The following PSD2 variants were observed in gnomAD, a reference collection of about 807,000 sequenced individuals.
PSD2 encodes the protein pleckstrin and Sec7 domain containing 2.
PSD2 carries 38 observed loss-of-function variants against 69.8 expected under a neutral mutation model. The ratio of observed to expected loss-of-function variants is 0.54; its 90% CI spans 0.42 to 0.71. The LOEUF (loss-of-function observed/expected upper bound fraction) is 0.71. Among genes scored for constraint, PSD2 ranks in the 30% least tolerant of loss-of-function variants. PSD2 has a pLI of 0.00. For missense variants in PSD2, 943 were observed against 1,014.5 expected, an observed-to-expected ratio of 0.93 and a Z score of 0.96; for synonymous variants, 412 against 423.0, an observed-to-expected ratio of 0.97 and a Z score of 0.32.
chr5:139,802,234 T>G, intron 1 of PSD2, among the ~76,000 whole-genome samples: 2 of 149,538 alleles, frequency 1.3e-5, no homozygotes, highest in Admixed American at 6.6e-5. Flanking sequence ...GGAGAGGAGT[T>G]GGGGGGCCTG....
intron 1 of PSD2, among the ~76,000 whole-genome samples, chr5:139,796,496 C>T (rs941986995): frequency 6.6e-6 from 1 of 152,218 alleles, no homozygotes; most frequent in Admixed American, 6.5e-5. Context: ...GCTTGGCGGC[C>T]AGGCCTCCCC....
In PSD2 at chr5:139,814,620, G is replaced by C. The variant is rs183585954; in HGVS notation, c.1016+256G>C. The stretch of plus-strand genomic sequence containing the variant: ...GGCAGCCCCTCAGGGCTGGGGGTGC[G>C]GGATGTGGGATGTGGTTATGGGGCC... On this transcript the variant is annotated intron_variant, in intron 4 of 14. Coordinates refer to ENST00000274710, the MANE Select transcript of PSD2 (RefSeq NM_032289.4). This position sits in a 1 kb window ranked among gnomAD's most constrained non-coding sequence, Gnocchi z 4.4. Among the ~76,000 whole-genome samples the C allele has an allele frequency of 6.6e-6, 1 of 152,056 alleles. No homozygotes were observed. Among genetic ancestry groups the C allele is most frequent in the Admixed American group, 6.6e-5 (1 of 15,258 alleles).
intron 1 of PSD2, among the ~76,000 whole-genome samples, chr5:139,807,380 T>C (rs754441344): frequency 7.1e-6 from 1 of 141,762 alleles, no homozygotes; most frequent in Non-Finnish European, 1.5e-5. Flanking sequence ...GGAGTCTCAG[T>C]TGAGAAAGTG....
At chr5:139,764,799 T>C in the PSD2 span, among the ~76,000 whole-genome samples, 33 of 152,100 alleles carry the variant, frequency 2.2e-4, no homozygotes, top group African/African-American at 7.5e-4. Flanking sequence ...ATAGAGCCTG[T>C]CCTCTGTCTA....
At chr5:139,769,277 G>A in the PSD2 span, among the ~76,000 whole-genome samples, 9 of 152,256 alleles carry the variant, frequency 5.9e-5, no homozygotes, top group African/African-American at 1.4e-4. Context: ...AGGTGGCGGC[G>A]GGGGTTGGGG....
At chr5:139,830,783 G>A (rs999242668) in intron 7 of PSD2, among the ~76,000 whole-genome samples, 29 of 138,016 alleles carry the variant, frequency 2.1e-4, no homozygotes, top group Non-Finnish European at 3.1e-4. Context: ...GCTTCCCAAA[G>A]TGCTGGGATT....
At chr5:139,766,833 T>TC in the PSD2 span, among the ~76,000 whole-genome samples, 16,505 of 45,858 alleles carry the variant, frequency 0.36, 2,382 homozygotes, top group Admixed American at 0.41. Context: ...CCTTCCTTCT[T>TC]TCTTTCTTTC....
chr5:139,836,725 TG>T, intron 9 of PSD2, 85 bp from the exon 10 acceptor site: 1 of 1,245,000 alleles, frequency 8.0e-7, no homozygotes, highest in Non-Finnish European at 1.2e-6. Flanking sequence ...CCCTGGCTCC[TG>T]GAGAGGAGGC....
chr5:139,813,420 A>G lies in PSD2; in HGVS notation c.483A>G (p.Leu161=). 6.2e-7 allele frequency: 1 copy of G among 1,613,944 alleles called. No homozygotes were observed. The highest frequency in any genetic ancestry group is 8.5e-7 in the Non-Finnish European group (1 of 1,179,814). The part of the protein sequence containing the change: ...RGTQYSSLDS[L]DGLSLTDESD... ...CCCAGTACAGCAGCCTCGACTCCCT[A>G]GACGGGCTGAGCCTCACGGATGAGA... Residue 161 remains leucine (L), a synonymous_variant, in exon 3 of 15, where the codon CTA becomes CTG. Coordinates refer to ENST00000274710, the MANE Select transcript of PSD2 (RefSeq NM_032289.4).
intron 5 of PSD2, among the ~76,000 whole-genome samples, chr5:139,821,508 G>A (rs1760259818): frequency 6.6e-6 from 1 of 152,226 alleles, no homozygotes; most frequent in South Asian, 2.1e-4. Flanking sequence ...GATGACTGAG[G>A]AGGAGCATTC....
the PSD2 span, among the ~76,000 whole-genome samples, chr5:139,788,192 C>A: frequency 2.0e-5 from 3 of 148,224 alleles, no homozygotes; most frequent in Non-Finnish European, 4.5e-5. Context: ...CCCCCCCGAA[C>A]CCGTGCCCAG....
At chr5:139,834,705 A>G (rs1760674537) in intron 8 of PSD2, among the ~76,000 whole-genome samples, 1 of 151,964 alleles carries the variant, frequency 6.6e-6, no homozygotes, top group Admixed American at 6.5e-5. Flanking sequence ...TCCATAGAAC[A>G]TTGTCTCCAT....
At chr5:139,759,916 A>G in the PSD2 span, among the ~76,000 whole-genome samples, 1 of 152,166 alleles carries the variant, frequency 6.6e-6, no homozygotes, top group East Asian at 1.9e-4. Flanking sequence ...TGGAGCTCAG[A>G]GTTTTGATAG....
chr5:139,827,520 G>C (rs1260654718), intron 7 of PSD2, among the ~76,000 whole-genome samples: 1 of 152,208 alleles, frequency 6.6e-6, no homozygotes, highest in Non-Finnish European at 1.5e-5. Flanking sequence ...TACTGATGGG[G>C]CCTGGGATCT....
At chr5:139,805,437 T>C (rs1260727113) in intron 1 of PSD2, among the ~76,000 whole-genome samples, 1 of 152,230 alleles carries the variant, frequency 6.6e-6, no homozygotes, top group African/African-American at 2.4e-5. Context: ...AAAGGCCTGC[T>C]GTGTGCCAAG....
At chr5:139,778,856 G>T in the PSD2 span, among the ~76,000 whole-genome samples, 4 of 150,810 alleles carry the variant, frequency 2.7e-5, no homozygotes, top group African/African-American at 9.8e-5. Flanking sequence ...TTGAACCCAG[G>T]ATGTCGAGGC....
chr5:139,787,858 T>C, the PSD2 span, among the ~76,000 whole-genome samples: 1 of 152,194 alleles, frequency 6.6e-6, no homozygotes, highest in Non-Finnish European at 1.5e-5. Flanking sequence ...CCGTGTTGTG[T>C]AACGGCACGG....
At chr5:139,822,199 C>T (rs1760279162) in intron 6 of PSD2, among the ~76,000 whole-genome samples, 194 bp downstream of exon 6, 1 of 152,344 alleles carries the variant, frequency 6.6e-6, no homozygotes, top group South Asian at 2.1e-4. Flanking sequence ...CTGAGCAAGG[C>T]GCAGTCTTGC....
chr5:139,830,823 C>CTTTTTTTTTT (rs60786662), intron 7 of PSD2, among the ~76,000 whole-genome samples: 35 of 82,930 alleles, frequency 4.2e-4, no homozygotes, highest in East Asian at 7.2e-4. Context: ...CCTGGACTTG[C>CTTTTTTTTTT]TTTTTTTTTT....
Sources: allele counts gnomAD v4.1 joint callset (sites outside exome capture counted in the v4.1 genomes callset), GRCh38; gene constraint gnomAD v4.1.1; non-coding constraint Gnocchi (gnomAD v3.1); transcripts MANE v1.5; gene names NCBI Gene and HGNC (gene_info 2026-07-23, HGNC 2026-07-21).